The following KCTD14 variants were observed in gnomAD, a reference collection of about 807,000 sequenced individuals.
KCTD14 encodes BTB/POZ domain-containing protein KCTD14.
A neutral mutation model predicts 5.9 loss-of-function variants in KCTD14; 7 were observed. The ratio of observed to expected loss-of-function variants is 1.19; its 90% CI spans 0.68 to 2.23. The LOEUF is 2.23. Ranked by LOEUF, KCTD14 falls within the 30% of genes most tolerant of loss-of-function variation. The probability of loss-of-function intolerance (pLI) is 0.00; values close to 1 mark genes in which losing one functional copy is unlikely to be tolerated. For missense variants in KCTD14, 342 were observed against 332.2 expected (o/e 1.03, Z -0.23); for synonymous variants, 140 against 133.1 (o/e 1.05, Z -0.36).
rs1326283967 is a variant in KCTD14, at chr11:78,016,894, G to A, written c.467C>T (p.Ala156Val). The A allele has an allele frequency of 6.2e-7, 1 of 1,614,122 alleles. No homozygotes were observed. The highest frequency in any genetic ancestry group is 8.5e-7 in the Non-Finnish European group (1 of 1,179,964). ...SENLELMVRLARAEAITARKS... is the reference protein window; with the variant it reads ...SENLELMVRLVRAEAITARKS... The stretch of plus-strand genomic sequence containing the variant: ...CCGTGCTGTTATGGCTTCTGCACGT[G>A]CCAGGCGCACCATGAGCTCCAGGTT... Residue 156 changes from alanine to valine, a missense_variant, in exon 2 of 2, where the codon GCA becomes GTA. Coordinates refer to ENST00000353172, the MANE Select transcript of KCTD14 (RefSeq NM_023930.4).
chr11:78,026,795 G>A (rs1277848521), upstream of KCTD14, among the ~76,000 whole-genome samples: 4 of 152,046 alleles, frequency 2.6e-5, no homozygotes, highest in Non-Finnish European at 4.4e-5. Context: ...TGTTGGACTA[G>A]AGATTGTAAA....
Position 78,023,174 on chromosome 11 carries a change from G to GC in KCTD14, c.75dup (p.Pro26AlafsTer17). 1 of 1,595,012 alleles carries GC rather than the reference G, an allele frequency of 6.3e-7. No homozygotes were observed. Among genetic ancestry groups the GC allele is most frequent in the Non-Finnish European group, 8.5e-7 (1 of 1,173,228 alleles). On this transcript the variant is annotated frameshift_variant, in exon 1 of 2. Coordinates refer to ENST00000353172, the MANE Select transcript of KCTD14 (RefSeq NM_023930.4). LOFTEE classifies it low-confidence loss of function (END_TRUNC). ...CTCGCACTTACCGTTGGCCGCCTGG[G>GC]CCGGGGGGACTGGGGCAGAGGGGTC...
exon 2 of KCTD14, chr11:78,038,758 C>T: frequency 3.9e-6 from 6 of 1,535,698 alleles, no homozygotes; most frequent in Non-Finnish European, 5.2e-6. Flanking sequence ...AATGTCACCC[C>T]CTGAAACAGA....
intron 1 of KCTD14, among the ~76,000 whole-genome samples, chr11:78,042,671 G>A (rs528750377): frequency 1.2e-4 from 19 of 152,336 alleles, no homozygotes; most frequent in African/African-American, 4.6e-4. Flanking sequence ...ATTGCCTCAT[G>A]CCAAGGAAAT....
chr11:78,035,148 A>T (rs1317092682), intron 2 of KCTD14, among the ~76,000 whole-genome samples: 1 of 152,056 alleles, frequency 6.6e-6, no homozygotes, highest in African/African-American at 2.4e-5. Flanking sequence ...TGGCATTCTA[A>T]AGAGGCCAGT....
At chr11:78,019,705 C>T (rs563135525) in intron 1 of KCTD14, among the ~76,000 whole-genome samples, 6 of 152,260 alleles carry the variant, frequency 3.9e-5, no homozygotes, top group Non-Finnish European at 5.9e-5. Context: ...ATGAAAAGGC[C>T]GGTAACTCTA....
chr11:78,018,472 C>G (rs1008029510), intron 1 of KCTD14, among the ~76,000 whole-genome samples: 1 of 151,964 alleles, frequency 6.6e-6, no homozygotes, highest in Non-Finnish European at 1.5e-5. Context: ...TTTGGGAGAC[C>G]GAGGTGAGTG....
intron 1 of KCTD14, among the ~76,000 whole-genome samples, chr11:78,044,503 G>T (rs1162883181): frequency 6.6e-6 from 1 of 152,132 alleles, no homozygotes; most frequent in Non-Finnish European, 1.5e-5. Context: ...TCCGCCCACT[G>T]CACAGACAAA....
chr11:78,024,445 C>CATAT (rs56371412), upstream of KCTD14, among the ~76,000 whole-genome samples: 4 of 140,496 alleles, frequency 2.8e-5, no homozygotes, highest in African/African-American at 1.1e-4. Context: ...CACACACACA[C>CATAT]ATATATATAT....
chr11:78,036,167 CAA>C lies in KCTD14; in HGVS notation c.-1+2495_-1+2496del, dbSNP rs541106359. ...GAATGAGACTGTCTCAAAAAAAAAA[CAA>C]AAGAGTCCCTTTATGAAAGTCTCCT... is the stretch of plus-strand genomic sequence containing the variant. On this transcript the variant is annotated intron_variant, in intron 2 of 2. Transcript: ENST00000533144. Among the ~76,000 whole-genome samples the C allele has an allele frequency of 5.0e-3, 760 of 150,748 alleles. 5 individuals are homozygous for C. The highest frequency in any genetic ancestry group is 7.9e-3 in the Non-Finnish European group (536 of 67,888).
In KCTD14 at chr11:78,016,571, T is replaced by C. The variant is rs201099069; in HGVS notation, c.*22A>G. Reference sequence around the variant, plus strand: ...ATTTCATAAGCCACGCCAGAATTCATAACAGTCTCTGCTCCTGAGGATCAC... The same window carrying C: ...ATTTCATAAGCCACGCCAGAATTCACAACAGTCTCTGCTCCTGAGGATCAC... On this transcript the variant is annotated 3_prime_UTR_variant, in exon 2 of 2. Coordinates refer to ENST00000353172, the MANE Select transcript of KCTD14 (RefSeq NM_023930.4). 5.6e-5 allele frequency: 89 copies of C among 1,593,846 alleles called. No individual in the cohort carries two copies. In the Admixed American group the frequency reaches 1.5e-3, roughly 27 times the overall value.
chr11:78,023,190 C>T lies in KCTD14; in HGVS notation c.60G>A (p.Leu20=). ...PVGRMTSQTP[L]PQSPRPRRPT... ...GCCGCCTGGGCCGGGGGGACTGGGG[C>T]AGAGGGGTCTGGCTCGTCATCCTGC... is the stretch of plus-strand genomic sequence containing the variant. The change falls in exon 1 of 2, where the codon CTG becomes CTA. Residue 20 remains leucine, a synonymous_variant. Transcript: ENST00000353172. 6.2e-7 allele frequency: 1 copy of T among 1,604,948 alleles called. No homozygotes were observed. The highest frequency in any genetic ancestry group is 8.5e-7 in the Non-Finnish European group (1 of 1,177,928).
chr11:78,035,303 T>C (rs1011372908), intron 2 of KCTD14, among the ~76,000 whole-genome samples: 2 of 152,086 alleles, frequency 1.3e-5, no homozygotes, highest in African/African-American at 4.8e-5. Flanking sequence ...CAATGGGAGC[T>C]TAGCGGGAGA....
At chr11:78,033,899 G>GTATATA (rs1322215432) in intron 2 of KCTD14, among the ~76,000 whole-genome samples, 2 of 46,446 alleles carry the variant, frequency 4.3e-5, no homozygotes, top group African/African-American at 1.1e-4. Flanking sequence ...ATGTGTGTGT[G>GTATATA]TGTATATATA....
intron 2 of KCTD14, among the ~76,000 whole-genome samples, chr11:78,035,354 G>A (rs116200231): frequency 0.019 from 2,892 of 152,106 alleles, 83 homozygotes; most frequent in African/African-American, 0.064. Flanking sequence ...ATTCCTTCCC[G>A]GGCCCTCTCC....
At chr11:78,045,967 C>T (rs541800884) in intron 1 of KCTD14, 1 of 332,138 alleles carries the variant, frequency 3.0e-6, no homozygotes, top group Admixed American at 6.5e-5. Context: ...TGCCGGTCCT[C>T]TCCCCAGTCA....
chr11:78,017,633 C>T (rs963706072), intron 1 of KCTD14, among the ~76,000 whole-genome samples: 5 of 151,830 alleles, frequency 3.3e-5, no homozygotes, highest in East Asian at 1.9e-4. Flanking sequence ...TTAGTAAAGA[C>T]GAGGTTTCGC....
At chr11:78,019,844 G>T (rs1433909936) in intron 1 of KCTD14, among the ~76,000 whole-genome samples, 2 of 152,154 alleles carry the variant, frequency 1.3e-5, no homozygotes, top group African/African-American at 2.4e-5. Flanking sequence ...CACTAAGACT[G>T]GTTATTAAGT....
Position 78,017,148 on chromosome 11 carries a change from C to A in KCTD14, c.213G>T (p.Thr71=). ...CGATGAAGAAGCGGCCCTCCGCGTC[C>A]GTGGAGGCCTTGGCTAAGCTAGAGA... The part of the protein sequence containing the change: ...EMFSSLAKAS[T]DAEGRFFIDR... The change falls in exon 2 of 2, where the codon ACG becomes ACT. Residue 71 remains threonine (T), a synonymous_variant. Transcript: ENST00000353172. The A allele has an allele frequency of 6.2e-7, 1 of 1,614,154 alleles. No homozygotes were observed. Among genetic ancestry groups the A allele is most frequent in the Non-Finnish European group, 8.5e-7 (1 of 1,180,020 alleles).
Sources: allele counts gnomAD v4.1 joint callset (sites outside exome capture counted in the v4.1 genomes callset), GRCh38; gene constraint gnomAD v4.1.1; transcripts MANE v1.5; gene names NCBI Gene and HGNC (gene_info 2026-07-23, HGNC 2026-07-21).